EFNA5: variants seen among roughly 807,000 people sequenced by gnomAD.
The protein encoded by EFNA5 is ephrin A5.
EFNA5 carries 5 observed loss-of-function variants against 22.9 expected under a neutral mutation model. The ratio of observed to expected loss-of-function variants is 0.22; its 90% CI spans 0.11 to 0.46. The LOEUF is 0.46. Ranked by LOEUF, EFNA5 falls within the 20% of genes least tolerant of loss-of-function variation. EFNA5 has a pLI of 0.99. For synonymous variants in EFNA5, 113 were observed against 112.2 expected, an observed-to-expected ratio of 1.01 and a Z score of -0.04; for missense variants, 237 against 293.3, an observed-to-expected ratio of 0.81 and a Z score of 1.40.
At chr5:107,565,419 G>C (rs1055282119) in intron 1 of EFNA5, among the ~76,000 whole-genome samples, 52 of 152,244 alleles carry the variant, frequency 3.4e-4, no homozygotes, top group African/African-American at 1.3e-3. Context: ...ATCCAGATTT[G>C]AAGCATCTCG....
chr5:107,630,998 A>G (rs1309259626), intron 1 of EFNA5, among the ~76,000 whole-genome samples: 1 of 152,092 alleles, frequency 6.6e-6, no homozygotes, highest in Non-Finnish European at 1.5e-5. Flanking sequence ...GAGCAATAAC[A>G]CACACAGAAC....
At chr5:107,517,765 T>A (rs1455924498) in intron 1 of EFNA5, among the ~76,000 whole-genome samples, 1 of 152,156 alleles carries the variant, frequency 6.6e-6, no homozygotes. Flanking sequence ...GTAAAAGACT[T>A]TTTCAAAAAT....
At chr5:107,599,530 G>C (rs1418408589) in intron 1 of EFNA5, among the ~76,000 whole-genome samples, 1 of 152,062 alleles carries the variant, frequency 6.6e-6, no homozygotes, top group Non-Finnish European at 1.5e-5. Flanking sequence ...TTCTCACTCT[G>C]TATCTTTTTC....
chr5:107,612,579 G>T (rs1050614495), intron 1 of EFNA5, among the ~76,000 whole-genome samples: 2 of 152,028 alleles, frequency 1.3e-5, no homozygotes. Context: ...AACTGTCAAG[G>T]TCCATACAGA....
intron 1 of EFNA5, among the ~76,000 whole-genome samples, chr5:107,444,038 G>T (rs1305372522): frequency 6.6e-6 from 1 of 152,102 alleles, no homozygotes. Context: ...TATCTACGAG[G>T]AACGTGGATG....
At chr5:107,483,033 T>G (rs1230376554) in intron 1 of EFNA5, among the ~76,000 whole-genome samples, 2 of 152,118 alleles carry the variant, frequency 1.3e-5, no homozygotes. Flanking sequence ...GGAAAACAAT[T>G]CGTAGAACTA....
At chr5:107,547,702 A>C (rs201446320) in intron 1 of EFNA5, among the ~76,000 whole-genome samples, 1 of 24,070 alleles carries the variant, frequency 4.2e-5, no homozygotes, top group Non-Finnish European at 7.7e-5. Context: ...TTTTAACCAT[A>C]AAAAAAAAGC....
intron 1 of EFNA5, among the ~76,000 whole-genome samples, chr5:107,515,360 A>ATTTTATTAT (rs1747454630): frequency 8.8e-6 from 1 of 113,426 alleles, no homozygotes; most frequent in African/African-American, 3.7e-5. Flanking sequence ...TTTATTTTTT[A>ATTTTATTAT]TTTTATTATT....
At chr5:107,572,043 G>A (rs1748823588) in intron 1 of EFNA5, among the ~76,000 whole-genome samples, 1 of 152,156 alleles carries the variant, frequency 6.6e-6, no homozygotes, top group Non-Finnish European at 1.5e-5. Flanking sequence ...CAGTCATACA[G>A]GTGTGGGCCG....
intron 1 of EFNA5, among the ~76,000 whole-genome samples, chr5:107,552,042 T>A (rs1389496521): frequency 6.7e-6 from 1 of 149,090 alleles, no homozygotes; most frequent in Admixed American, 6.7e-5. Context: ...GAGACTCAAG[T>A]TTTTTTTTTC....
intron 4 of EFNA5, among the ~76,000 whole-genome samples, chr5:107,386,223 T>G (rs1747620543): frequency 6.6e-6 from 1 of 151,702 alleles, no homozygotes; most frequent in Non-Finnish European, 1.5e-5. Context: ...GGAAATAATT[T>G]TATTTCCCTT....
At chr5:107,429,193 A>C (rs1212654153) in intron 1 of EFNA5, among the ~76,000 whole-genome samples, 1 of 152,236 alleles carries the variant, frequency 6.6e-6, no homozygotes, top group Non-Finnish European at 1.5e-5. Context: ...CTGTAATCCC[A>C]GCACTTTGGG....
chr5:107,505,098 C>T (rs1747222840), intron 1 of EFNA5, among the ~76,000 whole-genome samples: 1 of 151,972 alleles, frequency 6.6e-6, no homozygotes, highest in Non-Finnish European at 1.5e-5. Context: ...AAAAACTTGG[C>T]AATGATCTCC....
chr5:107,429,904 TG>T (rs1748903795), intron 1 of EFNA5, among the ~76,000 whole-genome samples: 1 of 152,184 alleles, frequency 6.6e-6, no homozygotes, highest in East Asian at 1.9e-4. Flanking sequence ...CATATAGAAA[TG>T]TTAAATTCTG....
rs757138057 is a variant in EFNA5, at chr5:107,571,536, CCT to C, written c.125+98951_125+98952del. Among the ~76,000 whole-genome samples, 320 of 128,272 alleles carry C rather than the reference CCT, an allele frequency of 2.5e-3. 1 individual carries two copies. Among genetic ancestry groups the C allele is most frequent in the Non-Finnish European group, 4.3e-3 (241 of 56,524 alleles). The allele number at this position is 128,272 out of a possible 152,430, so 84.2% of individuals were successfully genotyped here. A position where few individuals can be genotyped will look rare whatever the true frequency, so the allele number is the denominator to read the frequency against. On this transcript the variant is annotated intron_variant, in intron 1 of 4. Transcript: ENST00000333274. Reference sequence around the variant, plus strand: ...CTGCTTATAAATTACCAAGGGTCATCCTCTTTTTTTTTTTTTAAAGAATAAAA... The same window carrying C: ...CTGCTTATAAATTACCAAGGGTCATCCTTTTTTTTTTTTTAAAGAATAAAA...
At chr5:107,563,515 C>T (rs1748591545) in intron 1 of EFNA5, among the ~76,000 whole-genome samples, 1 of 152,180 alleles carries the variant, frequency 6.6e-6, no homozygotes, top group Middle Eastern at 3.2e-3. Flanking sequence ...TAGCTCACTG[C>T]AGCCTCCACC....
chr5:107,435,035 T>C (rs543784794), intron 1 of EFNA5, among the ~76,000 whole-genome samples: 42 of 152,338 alleles, frequency 2.8e-4, no homozygotes, highest in Non-Finnish European at 4.1e-4. Flanking sequence ...AGAGTGAATA[T>C]ATCTTGGGAG....
At chr5:107,426,112 G>A (rs906536601) in intron 2 of EFNA5, among the ~76,000 whole-genome samples, 4 of 152,144 alleles carry the variant, frequency 2.6e-5, no homozygotes, top group African/African-American at 9.7e-5. Flanking sequence ...CTGCTCCCCA[G>A]TGAAAGGTCA....
intron 1 of EFNA5, among the ~76,000 whole-genome samples, chr5:107,595,554 G>A (rs1035441843): frequency 1.5e-4 from 23 of 152,118 alleles, no homozygotes; most frequent in Non-Finnish European, 8.8e-5. Context: ...GGGAAGCCGG[G>A]AAAGGGAAAG....
Sources: allele counts gnomAD v4.1 joint callset (sites outside exome capture counted in the v4.1 genomes callset), GRCh38; gene constraint gnomAD v4.1.1; transcripts MANE v1.5; gene names NCBI Gene and HGNC (gene_info 2026-07-23, HGNC 2026-07-21).